PCDH15: variants seen among roughly 807,000 people sequenced by gnomAD.
PCDH15 encodes protocadherin related 15.
Under a neutral mutation model 178.5 loss-of-function variants are expected in PCDH15, and 129 were observed. That is an observed-to-expected ratio of 0.72 (90% CI 0.63 to 0.84). The LOEUF (loss-of-function observed/expected upper bound fraction) is 0.84. Among genes scored for constraint, PCDH15 ranks in the 40% least tolerant of loss-of-function variants. The probability of loss-of-function intolerance (pLI) is 0.00; values close to 1 mark genes in which losing one functional copy is unlikely to be tolerated. For missense variants in PCDH15, 2,230 were observed against 2,099.9 expected (o/e 1.06, Z -1.21); for synonymous variants, 800 against 732.0 (o/e 1.09, Z -1.50).
intron 2 of PCDH15, among the ~76,000 whole-genome samples, chr10:55,334,624 A>T (rs1012084747): frequency 6.6e-6 from 1 of 151,408 alleles, no homozygotes; most frequent in African/African-American, 2.4e-5. Context: ...CCATATTTTT[A>T]TTTTTTTCTA....
chr10:54,086,644 C>T (rs559878632), intron 16 of PCDH15, among the ~76,000 whole-genome samples: 3 of 152,196 alleles, frequency 2.0e-5, no homozygotes, highest in African/African-American at 7.2e-5. Flanking sequence ...ATGAGAACAA[C>T]AGCATTGAGG....
chr10:55,405,708 T>A (rs1838182705), intron 2 of PCDH15, among the ~76,000 whole-genome samples: 1 of 151,960 alleles, frequency 6.6e-6, no homozygotes, highest in Non-Finnish European at 1.5e-5. Context: ...CAGATATTTA[T>A]TGTACATCTA....
In PCDH15 at chr10:55,485,256, G is replaced by T. The variant is rs114592419; in HGVS notation, c.-156+142369C>A. On this transcript the variant is annotated intron_variant, in intron 2 of 5. Transcript: ENST00000613346. ...ATAGATATTTTTCAACAGAAGATAT[G>T]CAATTAGCCAATAAGTGTCACATTT... Among the ~76,000 whole-genome samples the T allele has an allele frequency of 4.5e-3, 686 of 151,722 alleles. 10 individuals are homozygous for T. The highest frequency in any genetic ancestry group is 0.016 in the African/African-American group (649 of 41,474).
intron 2 of PCDH15, among the ~76,000 whole-genome samples, chr10:54,912,974 G>A (rs1330912718): frequency 6.6e-6 from 1 of 152,070 alleles, no homozygotes; most frequent in Non-Finnish European, 1.5e-5. Context: ...GGCTGCTTCT[G>A]AAAGCCTACA....
chr10:55,549,950 T>C (rs1267963104), intron 2 of PCDH15, among the ~76,000 whole-genome samples: 1 of 152,106 alleles, frequency 6.6e-6, no homozygotes, highest in Non-Finnish European at 1.5e-5. Context: ...TGCGCATGCG[T>C]GCATTTTAGT....
At chr10:54,577,249 ATTTTTTTT>A (rs10699732) in intron 2 of PCDH15, among the ~76,000 whole-genome samples, 2 of 141,696 alleles carry the variant, frequency 1.4e-5, no homozygotes, top group Non-Finnish European at 3.0e-5. Context: ...CGCCCAGCTA[ATTTTTTTT>A]TTTTTTTGTA....
At chr10:53,929,416 C>T (rs368290906) in intron 25 of PCDH15, among the ~76,000 whole-genome samples, 2 of 151,838 alleles carry the variant, frequency 1.3e-5, no homozygotes, top group East Asian at 1.9e-4. Context: ...TTCATAAACT[C>T]CTCTCCATAT....
At chr10:55,439,062 C>A (rs1366199145) in intron 2 of PCDH15, among the ~76,000 whole-genome samples, 1 of 151,890 alleles carries the variant, frequency 6.6e-6, no homozygotes, top group East Asian at 1.9e-4. Flanking sequence ...CCACGCTTGG[C>A]TAATTTTTGT....
At chr10:54,421,691 TATACACAC>T (rs796662990) in intron 3 of PCDH15, among the ~76,000 whole-genome samples, 3,742 of 94,910 alleles carry the variant, frequency 0.039, 191 homozygotes, top group African/African-American at 0.08. Flanking sequence ...TATATATATA[TATACACAC>T]ACACACACAC....
chr10:55,075,363 T>G, intron 2 of PCDH15, among the ~76,000 whole-genome samples: 1 of 126,446 alleles, frequency 7.9e-6, no homozygotes, highest in East Asian at 2.6e-4. Flanking sequence ...CAATTTTGTT[T>G]AAATTTTTTT....
intron 1 of PCDH15, among the ~76,000 whole-genome samples, chr10:55,239,414 T>C (rs1260151714): frequency 6.6e-6 from 1 of 152,180 alleles, no homozygotes; most frequent in Admixed American, 6.5e-5. Flanking sequence ...TGATCTCATT[T>C]TTGACAAGGG....
intron 2 of PCDH15, among the ~76,000 whole-genome samples, chr10:55,027,203 C>G (rs1158378100): frequency 6.6e-6 from 1 of 151,702 alleles, no homozygotes; most frequent in African/African-American, 2.4e-5. Context: ...TTGTGTTTTT[C>G]TTTTTTGGGA....
chr10:55,543,085 A>G (rs1438825407), intron 2 of PCDH15, among the ~76,000 whole-genome samples: 1 of 98,432 alleles, frequency 1.0e-5, no homozygotes, highest in African/African-American at 4.0e-5. Flanking sequence ...GTACATACAG[A>G]CATATGTATG....
chr10:55,172,977 C>A (rs1839380084), intron 1 of PCDH15, among the ~76,000 whole-genome samples: 4 of 151,880 alleles, frequency 2.6e-5, no homozygotes. Context: ...CAAATTTAAG[C>A]AAGTCAGCTG....
intron 1 of PCDH15, among the ~76,000 whole-genome samples, chr10:55,181,199 C>T (rs543284899): frequency 2.0e-5 from 3 of 152,122 alleles, no homozygotes; most frequent in African/African-American, 4.8e-5. Flanking sequence ...TACAGTCTGA[C>T]ATTCTGTGAT....
chr10:54,139,288 A>G (rs962508948), intron 14 of PCDH15, among the ~76,000 whole-genome samples: 1 of 151,964 alleles, frequency 6.6e-6, no homozygotes, highest in African/African-American at 2.4e-5. Flanking sequence ...AGGACCTGAC[A>G]TTCATCAGCT....
At chr10:54,587,959 C>A (rs917483690) in intron 2 of PCDH15, among the ~76,000 whole-genome samples, 1 of 152,026 alleles carries the variant, frequency 6.6e-6, no homozygotes, top group South Asian at 2.1e-4. Context: ...TATTTATTTT[C>A]CTACACATTT....
rs755925634 is a variant in PCDH15, at chr10:54,236,913, T to C, written c.895A>G (p.Ile299Val). ...LRTPEELNPIIVTPPIQAIDQ... is the reference protein window; with the variant it reads ...LRTPEELNPIVVTPPIQAIDQ... The stretch of plus-strand genomic sequence containing the variant: ...ATGGCTTGGATTGGTGGCGTAACAA[T>C]AATGGGGTTCAGTTCTTCCTGAAAA... Residue 299 changes from isoleucine to valine, a missense_variant, in exon 9 of 38, where the codon ATT becomes GTT. Ile to Val is a conservative substitution (Grantham distance 29). Transcript: ENST00000644397. 2 of 1,613,504 alleles carry C rather than the reference T, an allele frequency of 1.2e-6. No individual in the cohort carries two copies. The highest frequency in any genetic ancestry group is 4.5e-5 in the East Asian group (2 of 44,814).
At chr10:54,078,491 T>A (rs543317339) in intron 17 of PCDH15, among the ~76,000 whole-genome samples, 1 of 152,060 alleles carries the variant, frequency 6.6e-6, no homozygotes, top group African/African-American at 2.4e-5. Flanking sequence ...CCAGGAGATA[T>A]GTTGATATTT....
Sources: gnomAD v4.1 joint callset for allele counts (sites outside exome capture counted in the v4.1 genomes callset) on GRCh38, gnomAD v4.1.1 for gene constraint, MANE v1.5 for transcripts, NCBI Gene and HGNC (gene_info 2026-07-23, HGNC 2026-07-21) for gene names.